The following IKZF2 variants were observed in gnomAD, a reference collection of about 807,000 sequenced individuals.
IKZF2 encodes the protein IKAROS family zinc finger 2, also known as zinc finger protein Helios.
A neutral mutation model predicts 49.2 loss-of-function variants in IKZF2; 15 were observed. The observed-to-expected ratio is 0.30, with a 90% CI of 0.20 to 0.47. The LOEUF (loss-of-function observed/expected upper bound fraction) is 0.47, where lower values mean the gene tolerates loss of function less well. Ranked by LOEUF, IKZF2 falls within the 20% of genes least tolerant of loss-of-function variation. IKZF2 has a pLI of 1.00. For synonymous variants in IKZF2, 227 were observed against 221.4 expected (o/e 1.03, Z -0.23); for missense variants, 567 against 664.6 (o/e 0.85, Z 1.61).
In IKZF2 at chr2:213,101,828, C is replaced by T. The variant is rs181818180; in HGVS notation, c.140-44729G>A. Among the ~76,000 whole-genome samples, 272 of 152,244 alleles carry T rather than the reference C, an allele frequency of 1.8e-3. 1 individual carries two copies. The highest frequency in any genetic ancestry group is 0.014 in the Middle Eastern group (4 of 294). ...GTGGCAATCAAATCAGTAGCACGAA[C>T]GATAGTACACTCACACCTAGAGTGC... On this transcript the variant is annotated intron_variant, in intron 4 of 8. Transcript: ENST00000434687.
chr2:213,126,511 T>C (rs545629047), intron 4 of IKZF2, among the ~76,000 whole-genome samples: 1 of 152,274 alleles, frequency 6.6e-6, no homozygotes, highest in African/African-American at 2.4e-5. Context: ...CCTGACCATA[T>C]AGAGTTGGTA....
chr2:213,151,718 C>A (rs937618033), upstream of IKZF2: 4 of 146,794 alleles, frequency 2.7e-5, no homozygotes, highest in African/African-American at 7.4e-5. Flanking sequence ...GGCGGGCTGG[C>A]GGCGGCTGCG....
Position 213,003,590 on chromosome 2 carries a change from G to A in IKZF2, c.*3770C>T, listed in dbSNP as rs751327993. ...TTTTTGCTTGTATTTTTACAGCCCC[G>A]TCTGCTCTTTTTGTACCCTAAGAAA... On this transcript the variant is annotated 3_prime_UTR_variant, in exon 9 of 9. Coordinates refer to ENST00000434687, the MANE Select transcript of IKZF2 (RefSeq NM_001387220.1). 3.3e-5 allele frequency: 5 copies of A among 151,736 alleles called. No homozygotes were observed. The highest frequency in any genetic ancestry group is 3.9e-4 in the East Asian group (2 of 5,160). The allele number at this position is 151,736 out of a possible 1,614,324, so 9.4% of individuals were successfully genotyped here.
chr2:213,138,353 G>A (rs570084216), intron 4 of IKZF2, among the ~76,000 whole-genome samples: 1 of 151,864 alleles, frequency 6.6e-6, no homozygotes, highest in Non-Finnish European at 1.5e-5. Context: ...CAGCTTTTGG[G>A]ACCAATTTGA....
At chr2:213,081,778 G>A (rs564596104) in intron 4 of IKZF2, among the ~76,000 whole-genome samples, 7 of 152,262 alleles carry the variant, frequency 4.6e-5, no homozygotes, top group African/African-American at 1.4e-4. Flanking sequence ...ATAAAATCAT[G>A]CCCTGAGGAA....
chr2:213,017,513 C>T (rs1696746329), intron 7 of IKZF2, among the ~76,000 whole-genome samples: 1 of 152,150 alleles, frequency 6.6e-6, no homozygotes, highest in African/African-American at 2.4e-5. Flanking sequence ...CTCCATCAGC[C>T]ATGCTGGTCA....
chr2:213,133,906 A>C (rs2060564885), intron 4 of IKZF2, among the ~76,000 whole-genome samples: 1 of 152,178 alleles, frequency 6.6e-6, no homozygotes, highest in South Asian at 2.1e-4. Context: ...TAGTAGACTT[A>C]AAATTTGTTT....
chr2:213,065,345 C>A, intron 4 of IKZF2, among the ~76,000 whole-genome samples: 1 of 151,978 alleles, frequency 6.6e-6, no homozygotes. Context: ...AGTGTAAGGT[C>A]CTTGAGAGGA....
Position 213,116,511 on chromosome 2 carries a change from G to T in IKZF2, c.139+31197C>A, listed in dbSNP as rs554752723. Reference sequence around the variant, plus strand: ...GCATTTTGGGAGGCCAAGGCGGGTGGATTGCTTGAGTCCAGGAGTTCAAGA... The same window carrying T: ...GCATTTTGGGAGGCCAAGGCGGGTGTATTGCTTGAGTCCAGGAGTTCAAGA... On this transcript the variant is annotated intron_variant, in intron 4 of 8. Transcript: ENST00000434687. Among the ~76,000 whole-genome samples the T allele has an allele frequency of 2.0e-5, 3 of 152,290 alleles. No individual in the cohort carries two copies. The East Asian group carries it at 5.8e-4, about 29-fold the overall frequency.
chr2:213,120,972 A>G (rs1424854490), intron 4 of IKZF2, among the ~76,000 whole-genome samples: 2 of 152,124 alleles, frequency 1.3e-5, no homozygotes, highest in African/African-American at 4.8e-5. Context: ...CTTTAATTAT[A>G]TGAAAATAAT....
intron 4 of IKZF2, among the ~76,000 whole-genome samples, chr2:213,095,491 T>G (rs1705867202): frequency 6.6e-6 from 1 of 152,020 alleles, no homozygotes; most frequent in Non-Finnish European, 1.5e-5. Flanking sequence ...TTGAATAATC[T>G]TCAATGAAGA....
intron 4 of IKZF2, among the ~76,000 whole-genome samples, chr2:213,134,680 C>T (rs1394360965): frequency 6.6e-6 from 1 of 152,206 alleles, no homozygotes; most frequent in African/African-American, 2.4e-5. Flanking sequence ...AAGTATGCTT[C>T]TTTCTCCCGA....
intron 4 of IKZF2, among the ~76,000 whole-genome samples, chr2:213,098,914 A>G (rs1358541903): frequency 6.6e-6 from 1 of 152,166 alleles, no homozygotes; most frequent in Non-Finnish European, 1.5e-5. Context: ...CAGTGCCTTC[A>G]AGGGCAGCAG....
chr2:213,079,373 A>C (rs1335920140), intron 4 of IKZF2, among the ~76,000 whole-genome samples: 1 of 151,300 alleles, frequency 6.6e-6, no homozygotes, highest in Non-Finnish European at 1.5e-5. Context: ...AATAGAAAAG[A>C]AAAAAGAAGG....
At chr2:213,135,857 G>A (rs1033016375) in intron 4 of IKZF2, among the ~76,000 whole-genome samples, 1 of 150,852 alleles carries the variant, frequency 6.6e-6, no homozygotes, top group Non-Finnish European at 1.5e-5. Flanking sequence ...GAGAGCGCCT[G>A]ACCAACATGG....
chr2:213,122,105 G>A (rs897802111), intron 4 of IKZF2, among the ~76,000 whole-genome samples: 3 of 152,136 alleles, frequency 2.0e-5, no homozygotes, highest in Non-Finnish European at 2.9e-5. Flanking sequence ...CAGAGAGACA[G>A]AGAGAGAGGG....
In IKZF2 at chr2:213,022,075, T is replaced by G; in HGVS notation, c.630A>C (p.Ser210=). The G allele has an allele frequency of 1.9e-6, 3 of 1,613,848 alleles. No individual in the cohort carries two copies. Among genetic ancestry groups the G allele is most frequent in the Non-Finnish European group, 2.5e-6 (3 of 1,179,830 alleles). The change falls in exon 7 of 9, where the codon TCA becomes TCC. Residue 210 remains serine (S), a synonymous_variant. Coordinates refer to ENST00000434687, the MANE Select transcript of IKZF2 (RefSeq NM_001387220.1). ...GGCAGCGTTCCTTGTGCTCCTCCAG[T>G]GAACTGCGCTGCTTGTAGCTTCGTC... ...YCGRSYKQRS[S]LEEHKERCHN...
intron 6 of IKZF2, among the ~76,000 whole-genome samples, chr2:213,023,078 G>C (rs1215798068): frequency 3.9e-5 from 6 of 152,226 alleles, no homozygotes; most frequent in South Asian, 2.1e-4. Context: ...AAAACCCCAG[G>C]TGGTCTGTGC....
chr2:213,112,712 A>G (rs1178390705), intron 4 of IKZF2, among the ~76,000 whole-genome samples: 1 of 152,180 alleles, frequency 6.6e-6, no homozygotes, highest in East Asian at 1.9e-4. Context: ...TCCCCAACCC[A>G]TAATAAATTA....
Sources: allele counts gnomAD v4.1 joint callset (sites outside exome capture counted in the v4.1 genomes callset), GRCh38; gene constraint gnomAD v4.1.1; transcripts MANE v1.5; gene names NCBI Gene and HGNC (gene_info 2026-07-23, HGNC 2026-07-21).